Variants in CBFA2T2 observed in about 807,000 individuals in gnomAD.
CBFA2T2 encodes the protein CBFA2/RUNX1 partner transcriptional co-repressor 2.
In CBFA2T2, 11 loss-of-function variants were observed where a neutral mutation model predicts 62.2. The observed-to-expected ratio is 0.18, with a 90% confidence interval of 0.11 to 0.29. The LOEUF (loss-of-function observed/expected upper bound fraction) is 0.29, where lower values mean the gene tolerates loss of function less well. Among genes scored for constraint, CBFA2T2 ranks in the 10% least tolerant of loss-of-function variants. The probability of loss-of-function intolerance (pLI) is 1.00; values close to 1 mark genes in which losing one functional copy is unlikely to be tolerated. For missense variants in CBFA2T2, 592 were observed against 774.1 expected (o/e 0.76, Z 2.79); for synonymous variants, 295 against 287.5 (o/e 1.03, Z -0.27).
chr20:33,525,759 C>T (rs1161698804), intron 1 of CBFA2T2, among the ~76,000 whole-genome samples: 1 of 152,142 alleles, frequency 6.6e-6, no homozygotes, highest in Non-Finnish European at 1.5e-5. Context: ...TCAAGCAATT[C>T]TCCCACTACA....
chr20:33,561,321 C>T (rs148980385), intron 1 of CBFA2T2, among the ~76,000 whole-genome samples: 1 of 152,202 alleles, frequency 6.6e-6, no homozygotes, highest in African/African-American at 2.4e-5. Flanking sequence ...GCGACCTGAC[C>T]ACCTTGGCCT....
intron 1 of CBFA2T2, among the ~76,000 whole-genome samples, chr20:33,596,537 T>G (rs2014898436): frequency 6.6e-6 from 1 of 152,198 alleles, no homozygotes; most frequent in South Asian, 2.1e-4. Flanking sequence ...TTTTTCCCCT[T>G]ATTTCCTTGG....
At chr20:33,642,116 T>TTTTTTG (rs1313728159) in intron 10 of CBFA2T2, among the ~76,000 whole-genome samples, 7 of 59,010 alleles carry the variant, frequency 1.2e-4, no homozygotes, top group Non-Finnish European at 1.4e-4. Flanking sequence ...TTTTTTTTTT[T>TTTTTTG]TGTGTGTGTG....
At chr20:33,613,138 G>A (rs2015587529) in intron 3 of CBFA2T2, among the ~76,000 whole-genome samples, 1 of 152,206 alleles carries the variant, frequency 6.6e-6, no homozygotes, top group Non-Finnish European at 1.5e-5. Context: ...AAGGCAAAAT[G>A]CAATATATGA....
chr20:33,618,955 G>A (rs2015820222), intron 3 of CBFA2T2, among the ~76,000 whole-genome samples: 2 of 152,204 alleles, frequency 1.3e-5, no homozygotes, highest in Admixed American at 1.3e-4. Context: ...GGGCAAAGGG[G>A]AGAATTTGGT....
intron 1 of CBFA2T2, among the ~76,000 whole-genome samples, chr20:33,494,082 T>C (rs1371189944): frequency 2.0e-5 from 3 of 150,732 alleles, no homozygotes; most frequent in Non-Finnish European, 4.4e-5. Flanking sequence ...GGTTTCACCA[T>C]GTTGGTCAGG....
intron 1 of CBFA2T2, among the ~76,000 whole-genome samples, chr20:33,589,929 A>G (rs893201804): frequency 1.3e-5 from 2 of 152,236 alleles, no homozygotes; most frequent in South Asian, 4.2e-4. Flanking sequence ...ATTATTAATG[A>G]GCTTGTTTAC....
Position 33,497,589 on chromosome 20 carries a change from C to T in CBFA2T2, c.34+7288C>T, listed in dbSNP as rs141300186. Among the ~76,000 whole-genome samples the T allele has an allele frequency of 8.0e-4, 106 of 133,056 alleles. 1 individual carries two copies. The highest frequency in any genetic ancestry group is 2.8e-3 in the African/African-American group (98 of 35,432). 87.3% of individuals were successfully genotyped at this position (133,056 alleles called of 152,430 possible). A position where few individuals can be genotyped will look rare whatever the true frequency, so the allele number is the denominator to read the frequency against. ...TTTTTGAGAAGGGGTCTCACTCTGT[C>T]GCTAGGCTACAGTGCGGTAGTGTGA... On this transcript the variant is annotated intron_variant, in intron 1 of 10. Coordinates refer to ENST00000342704, the MANE Select transcript of CBFA2T2 (RefSeq NM_001032999.3).
At chr20:33,541,708 A>G (rs1356898184) in intron 1 of CBFA2T2, among the ~76,000 whole-genome samples, 1 of 152,162 alleles carries the variant, frequency 6.6e-6, no homozygotes, top group Non-Finnish European at 1.5e-5. Context: ...AAATTCTCCT[A>G]ACTTTTCCAT....
chr20:33,554,600 CTTTTTTTTTTTT>C (rs752877501), intron 1 of CBFA2T2, among the ~76,000 whole-genome samples: 1 of 56,286 alleles, frequency 1.8e-5, no homozygotes, highest in East Asian at 4.7e-4. Context: ...TTTTTCTTTT[CTTTTTTTTTTTT>C]TTTTTTTTTT....
intron 1 of CBFA2T2, among the ~76,000 whole-genome samples, chr20:33,579,965 C>T (rs143550929): frequency 2.6e-4 from 39 of 152,174 alleles, no homozygotes; most frequent in Admixed American, 6.5e-4. Context: ...GAGGCATGCA[C>T]CACCATGTCT....
chr20:33,495,571 A>G (rs1332599356), intron 1 of CBFA2T2, among the ~76,000 whole-genome samples: 1 of 151,782 alleles, frequency 6.6e-6, no homozygotes, highest in East Asian at 1.9e-4. Context: ...GGGTTCCTGT[A>G]GTCCCAGCTA....
At chr20:33,519,922 G>A (rs1158514883) in intron 1 of CBFA2T2, among the ~76,000 whole-genome samples, 3 of 151,960 alleles carry the variant, frequency 2.0e-5, no homozygotes, top group Admixed American at 6.6e-5. Flanking sequence ...CGAGGCAGGC[G>A]GATCACCTGA....
chr20:33,520,038 G>A (rs1469089401), intron 1 of CBFA2T2, among the ~76,000 whole-genome samples: 1 of 151,874 alleles, frequency 6.6e-6, no homozygotes, highest in East Asian at 1.9e-4. Flanking sequence ...CCAGCTACTC[G>A]GGAGGCTGAG....
chr20:33,640,304 T>A (rs781049928), intron 9 of CBFA2T2, 37 bp from the exon 10 acceptor site: 1 of 1,587,744 alleles, frequency 6.3e-7, no homozygotes, highest in South Asian at 1.1e-5. Flanking sequence ...GGGAAAAGAT[T>A]TCTCGGCCAG....
At chr20:33,591,189 A>AAAAAAAAAAAAAAT (rs2014606506) in intron 1 of CBFA2T2, among the ~76,000 whole-genome samples, 1 of 147,418 alleles carries the variant, frequency 6.8e-6, no homozygotes, top group Non-Finnish European at 1.5e-5. Flanking sequence ...CAAAAAAAAA[A>AAAAAAAAAAAAAAT]GTACTGATGA....
Position 33,644,635 on chromosome 20 carries a change from A to C in CBFA2T2, c.1777A>C (p.Asn593His). The C allele has an allele frequency of 6.2e-7, 1 of 1,604,132 alleles. No individual in the cohort carries two copies. Among genetic ancestry groups the C allele is most frequent in the Admixed American group, 1.7e-5 (1 of 59,650 alleles). The change falls in exon 11 of 11, where the codon AAC becomes CAC. Residue 593 changes from asparagine to histidine, a missense_variant. Asn to His is a moderately conservative substitution (Grantham distance 68). Around this residue, in one of 3 missense-constraint regions of CBFA2T2, gnomAD observed 85 missense variants for 99.0 expected, o/e 0.86. Coordinates refer to ENST00000342704, the MANE Select transcript of CBFA2T2 (RefSeq NM_001032999.3). ...TPASVTAIDT[N>H]GL ...TGCTTCTGTGACAGCTATCGACACC[A>C]ACGGACTCTGAGCCCCGGACTCTGC...
chr20:33,551,075 G>T (rs909123395), intron 1 of CBFA2T2, among the ~76,000 whole-genome samples: 1 of 152,126 alleles, frequency 6.6e-6, no homozygotes, highest in East Asian at 1.9e-4. Flanking sequence ...GAGCTCATTC[G>T]ACGGAAGTGT....
chr20:33,536,392 CA>C (rs2012235042), intron 1 of CBFA2T2, among the ~76,000 whole-genome samples: 1 of 150,266 alleles, frequency 6.7e-6, no homozygotes, highest in African/African-American at 2.5e-5. Context: ...AGGCGCCCCT[CA>C]CCTCCCGGAC....
Sources: gnomAD v4.1 joint callset for allele counts (sites outside exome capture counted in the v4.1 genomes callset) on GRCh38, gnomAD v4.1.1 for gene constraint, gnomAD v4.1.1 regional missense constraint, MANE v1.5 for transcripts, NCBI Gene and HGNC (gene_info 2026-07-23, HGNC 2026-07-21) for gene names.